NSA2: variants seen among roughly 807,000 people sequenced by gnomAD.
NSA2 encodes ribosome biogenesis protein NSA2 homolog.
A neutral mutation model predicts 34.8 loss-of-function variants in NSA2; 18 were observed. That is an observed-to-expected ratio of 0.52 (90% CI 0.36 to 0.77). The LOEUF (loss-of-function observed/expected upper bound fraction) is 0.77, where lower values mean the gene tolerates loss of function less well. NSA2 is among the 30% of genes least tolerant of loss of function. The probability of loss-of-function intolerance (pLI) is 0.00; values close to 1 mark genes in which losing one functional copy is unlikely to be tolerated. For missense variants in NSA2, 188 were observed against 314.7 expected (o/e 0.60, Z 3.05); for synonymous variants, 79 against 100.2 (o/e 0.79, Z 1.26).
intron 4 of NSA2, chr5:74,771,501 GT>G (rs1436357715): frequency 6.6e-6 from 1 of 152,064 alleles, no homozygotes; most frequent in Admixed American, 6.5e-5. Flanking sequence ...GAGTAGGACT[GT>G]TTTATAAGAG....
rs769571008 is a variant in NSA2 at position 74,777,001 on chromosome 5, A to G, written c.*330A>G. On this transcript the variant is annotated 3_prime_UTR_variant, in exon 6 of 6. Coordinates refer to ENST00000610426, the MANE Select transcript of NSA2 (RefSeq NM_014886.6). ...TGCCTTTCAAAAAGGTTAATACACAATTATGTGTCTGAGAATTTAACTGAA... is the reference window on the plus strand; with the variant it reads ...TGCCTTTCAAAAAGGTTAATACACAGTTATGTGTCTGAGAATTTAACTGAA... 4 of 180,238 alleles carry G rather than the reference A, an allele frequency of 2.2e-5. No homozygotes were observed. Among genetic ancestry groups the G allele is most frequent in the Non-Finnish European group, 4.6e-5 (4 of 86,640 alleles). 11.2% of individuals were successfully genotyped at this position (180,238 alleles called of 1,614,324 possible). A position where few individuals can be genotyped will look rare whatever the true frequency, so the allele number is the denominator to read the frequency against.
In NSA2 at chr5:74,773,968, A is replaced by G. The variant is rs762089010; in HGVS notation, c.623A>G (p.Tyr208Cys). 2 of 1,613,794 alleles carry G rather than the reference A, an allele frequency of 1.2e-6. No individual in the cohort carries two copies. Among genetic ancestry groups the G allele is most frequent in the African/African-American group, 2.7e-5 (2 of 74,924 alleles). Residue 208 changes from tyrosine to cysteine, a missense_variant, in exon 5 of 6, where the codon TAT (tyrosine) becomes TGT (cysteine). By Grantham distance (194) the Tyr-to-Cys change is radical. Transcript: ENST00000610426. The part of the protein sequence containing the change: ...GVKKNPSSPL[Y>C]TTLGVITKGT... ...AAGAAGAATCCCTCATCCCCACTGT[A>G]TACAACTTTGGGTGTTATTACCAAA... is the stretch of plus-strand genomic sequence containing the variant.
rs1744813479 is a variant in NSA2, at chr5:74,768,852, G to T, written c.4-79G>T. On this transcript the variant is annotated intron_variant, in intron 1 of 5. Transcript: ENST00000610426. ...AACATTTGGATGAAACAGGGTCTTT[G>T]TGCTGTGTAAAAGAAAGCATTTTAG... 3.0e-6 allele frequency: 3 copies of T among 986,378 alleles called. No homozygotes were observed. The South Asian group carries it at 5.7e-5, about 19-fold the overall frequency. The allele number at this position is 986,378 out of a possible 1,614,324, so 61.1% of individuals were successfully genotyped here.
rs1188223806 is a variant in NSA2 at position 74,777,794 on chromosome 5, A to G, written c.*1123A>G. 1 of 152,096 alleles carries G rather than the reference A, an allele frequency of 6.6e-6. No individual in the cohort carries two copies. The highest frequency in any genetic ancestry group is 1.5e-5 in the Non-Finnish European group (1 of 67,944). The allele number at this position is 152,096 out of a possible 1,614,324, so 9.4% of individuals were successfully genotyped here. On this transcript the variant is annotated 3_prime_UTR_variant, in exon 6 of 6. Coordinates refer to ENST00000610426, the MANE Select transcript of NSA2 (RefSeq NM_014886.6). ...TACTTTTAAACTTAAAAAAAAATAAAAACCAAGAAAACAAACATAGGTACT... is the reference window on the plus strand; with the variant it reads ...TACTTTTAAACTTAAAAAAAAATAAGAACCAAGAAAACAAACATAGGTACT...
intron 4 of NSA2, among the ~76,000 whole-genome samples, chr5:74,771,902 G>A (rs62366413): frequency 0.075 from 11,349 of 151,446 alleles, 602 homozygotes; most frequent in East Asian, 0.16. Flanking sequence ...TTGAAAAAAG[G>A]AAGATAATTT....
At chr5:74,772,762 CATT>C (rs1474703463) in intron 4 of NSA2, among the ~76,000 whole-genome samples, 1 of 152,188 alleles carries the variant, frequency 6.6e-6, no homozygotes, top group Non-Finnish European at 1.5e-5. Flanking sequence ...ACAGATTTGT[CATT>C]ATAATCAGAT....
intron 1 of NSA2, 44 bp from the exon 2 acceptor site, chr5:74,768,885 GTC>G: frequency 5.2e-6 from 7 of 1,334,862 alleles, no homozygotes; most frequent in Non-Finnish European, 7.1e-6. Context: ...TAGAATAATT[GTC>G]AGTACTTTAA....
Position 74,776,967 on chromosome 5 carries a change from C to T in NSA2, c.*296C>T. 1 of 221,320 alleles carries T rather than the reference C, an allele frequency of 4.5e-6. No homozygotes were observed. Among genetic ancestry groups the T allele is most frequent in the South Asian group, 1.2e-4 (1 of 8,094 alleles). 13.7% of individuals were successfully genotyped at this position (221,320 alleles called of 1,614,324 possible). ...ATTTCCTGAAAAAACCACCAGTGTT[C>T]ATTGAAAATGCCTTTCAAAAAGGTT... is the stretch of plus-strand genomic sequence containing the variant. On this transcript the variant is annotated 3_prime_UTR_variant, in exon 6 of 6. Coordinates refer to ENST00000610426, the MANE Select transcript of NSA2 (RefSeq NM_014886.6).
At chr5:74,768,875 T>C in intron 1 of NSA2, 56 bp from the exon 2 acceptor site, 1 of 1,260,216 alleles carries the variant, frequency 7.9e-7, no homozygotes. Flanking sequence ...GAAAGCATTT[T>C]AGAATAATTG....
intron 1 of NSA2, 66 bp from the exon 2 acceptor site, chr5:74,768,863 AAG>A (rs1331673282): frequency 6.9e-6 from 8 of 1,160,486 alleles, no homozygotes; most frequent in African/African-American, 1.6e-5. Flanking sequence ...TGCTGTGTAA[AAG>A]AAAGCATTTT....
At chr5:74,774,771 A>G (rs1356271135) in intron 5 of NSA2, among the ~76,000 whole-genome samples, 3 of 152,242 alleles carry the variant, frequency 2.0e-5, no homozygotes, top group African/African-American at 7.2e-5. Context: ...ATGAAGTATT[A>G]GCCAATGACT....
intron 1 of NSA2, among the ~76,000 whole-genome samples, chr5:74,768,296 A>G (rs1331290028): frequency 1.3e-5 from 2 of 152,234 alleles, no homozygotes; most frequent in Non-Finnish European, 2.9e-5. Flanking sequence ...AAAAGGATTG[A>G]AGTTCCTATA....
At chr5:74,774,668 C>T (rs570630742) in intron 5 of NSA2, among the ~76,000 whole-genome samples, 110 of 152,044 alleles carry the variant, frequency 7.2e-4, no homozygotes, top group Non-Finnish European at 7.4e-4. Context: ...AAAGTTATAA[C>T]TAAGAAATAT....
rs144675267 is a variant in NSA2 at position 74,773,978 on chromosome 5, G to A, written c.633G>A (p.Leu211=). 699 of 1,614,026 alleles carry A rather than the reference G, an allele frequency of 4.3e-4. No individual in the cohort carries two copies. The highest frequency in any genetic ancestry group is 5.4e-4 in the Non-Finnish European group (636 of 1,179,946). ...KNPSSPLYTT[L]GVITKGTVIE... is the part of the protein sequence containing the mutation. ...CCTCATCCCCACTGTATACAACTTT[G>A]GGTGTTATTACCAAAGGTACTGTCA... The change falls in exon 5 of 6, where the codon TTG becomes TTA. Residue 211 remains leucine (L), a synonymous_variant. Coordinates refer to ENST00000610426, the MANE Select transcript of NSA2 (RefSeq NM_014886.6).
rs537752370 is a variant in NSA2, at chr5:74,767,261, C to T, written c.-100C>T. On this transcript the variant is annotated 5_prime_UTR_variant, in exon 1 of 6. Coordinates refer to ENST00000610426, the MANE Select transcript of NSA2 (RefSeq NM_014886.6). Reference sequence around the variant, plus strand: ...GTTTTAAAGGGTGACTCTTTCCTGTCCCGGCCTGCGTGGTGTGGGCTTGTG... The same window carrying T: ...GTTTTAAAGGGTGACTCTTTCCTGTTCCGGCCTGCGTGGTGTGGGCTTGTG... 18 of 1,458,754 alleles carry T rather than the reference C, an allele frequency of 1.2e-5. No homozygotes were observed. The African/African-American group carries it at 2.3e-4, about 18-fold the overall frequency. The allele number at this position is 1,458,754 out of a possible 1,614,324, so 90.4% of individuals were successfully genotyped here. A position where few individuals can be genotyped will look rare whatever the true frequency, so the allele number is the denominator to read the frequency against.
chr5:74,776,673 A>C lies in NSA2; in HGVS notation c.*2A>C, dbSNP rs371734076. 4.0e-6 allele frequency: 6 copies of C among 1,481,522 alleles called. No homozygotes were observed. The highest frequency in any genetic ancestry group is 5.7e-6 in the Non-Finnish European group (6 of 1,061,034). The allele number at this position is 1,481,522 out of a possible 1,614,324, so 91.8% of individuals were successfully genotyped here. On this transcript the variant is annotated 3_prime_UTR_variant, in exon 6 of 6. Coordinates refer to ENST00000610426, the MANE Select transcript of NSA2 (RefSeq NM_014886.6). ...ATAAATGCAGTCTTACTGGTTTGAC[A>C]GCAATTTCATATATAATTATTGAGG...
chr5:74,776,016 C>T (rs1401358328), intron 5 of NSA2, among the ~76,000 whole-genome samples: 1 of 152,154 alleles, frequency 6.6e-6, no homozygotes, highest in African/African-American at 2.4e-5. Flanking sequence ...AGTGACAATG[C>T]TCAGGTCAAT....
chr5:74,768,965 G>A lies in NSA2; in HGVS notation c.38G>A (p.Arg13His), dbSNP rs371312668. Residue 13 changes from arginine (R) to histidine (H), a missense_variant, in exon 2 of 6, where the codon CGC becomes CAC. Coordinates refer to ENST00000610426, the MANE Select transcript of NSA2 (RefSeq NM_014886.6). ...GAATATATTGAATTACACCGTAAAC[G>A]CTATGGATACCGTTTGGATTACCAT... The part of the protein sequence containing the change: ...QNEYIELHRK[R>H]YGYRLDYHEK... 4 of 1,601,640 alleles carry A rather than the reference G, an allele frequency of 2.5e-6. No homozygotes were observed. The highest frequency in any genetic ancestry group is 1.1e-5 in the South Asian group (1 of 88,216).
rs890069309 is a variant in NSA2 at position 74,767,308 on chromosome 5, G to A, written c.-53G>A. 4 of 1,611,766 alleles carry A rather than the reference G, an allele frequency of 2.5e-6. No homozygotes were observed. In the Admixed American group the frequency reaches 5.0e-5, roughly 20 times the overall value. Reference sequence around the variant, plus strand: ...TGTGGGTCTTTGAGACCCGAAAATTGAGAGCGTTTTCGCACTCCAGCGGCT... The same window carrying A: ...TGTGGGTCTTTGAGACCCGAAAATTAAGAGCGTTTTCGCACTCCAGCGGCT... On this transcript the variant is annotated 5_prime_UTR_variant, in exon 1 of 6. Coordinates refer to ENST00000610426, the MANE Select transcript of NSA2 (RefSeq NM_014886.6).
Sources: allele counts gnomAD v4.1 joint callset (sites outside exome capture counted in the v4.1 genomes callset), GRCh38; gene constraint gnomAD v4.1.1; transcripts MANE v1.5; gene names NCBI Gene and HGNC (gene_info 2026-07-23, HGNC 2026-07-21).